The following RFFL variants were observed in gnomAD, a reference collection of about 807,000 sequenced individuals.
RFFL encodes E3 ubiquitin-protein ligase rififylin.
Under a neutral mutation model 40.4 loss-of-function variants are expected in RFFL, and 16 were observed. That is an observed-to-expected ratio of 0.40 (90% CI 0.27 to 0.60). The LOEUF (loss-of-function observed/expected upper bound fraction) is 0.60, where lower values mean the gene tolerates loss of function less well. RFFL is among the 20% of genes least tolerant of loss of function. The pLI, the probability that RFFL is intolerant of heterozygous loss-of-function variation, is 0.47. For synonymous variants in RFFL, 154 were observed against 167.9 expected (o/e 0.92, Z 0.64); for missense variants, 367 against 451.7 (o/e 0.81, Z 1.70).
intron 1 of RFFL, among the ~76,000 whole-genome samples, chr17:35,054,343 C>T (rs973462987): frequency 1.3e-5 from 2 of 152,156 alleles, no homozygotes; most frequent in Admixed American, 6.5e-5. Context: ...CATTGCATTC[C>T]ACCATTCCCA....
chr17:35,026,944 G>A (rs191703436), intron 1 of RFFL, among the ~76,000 whole-genome samples: 13 of 152,182 alleles, frequency 8.5e-5, no homozygotes, highest in Admixed American at 4.6e-4. Context: ...CCTTGTGATC[G>A]GCCCACTTCG....
chr17:35,045,512 G>A (rs900612838), intron 1 of RFFL, among the ~76,000 whole-genome samples: 4 of 151,994 alleles, frequency 2.6e-5, no homozygotes, highest in Non-Finnish European at 5.9e-5. Flanking sequence ...AGGATTACAG[G>A]CATGAGCCAC....
intron 1 of RFFL, among the ~76,000 whole-genome samples, chr17:35,043,045 A>G (rs903702734): frequency 2.0e-5 from 3 of 152,192 alleles, no homozygotes; most frequent in African/African-American, 4.8e-5. Context: ...GACATTTTCT[A>G]TCCTCCAAGG....
chr17:35,031,139 T>C (rs9916356), intron 1 of RFFL, among the ~76,000 whole-genome samples: 3,919 of 151,998 alleles, frequency 0.026, 213 homozygotes, highest in African/African-American at 0.088. Flanking sequence ...TGGAGTCTCC[T>C]TCTGTCGCCC....
intron 2 of RFFL, among the ~76,000 whole-genome samples, chr17:35,022,910 AC>A: frequency 6.6e-6 from 1 of 152,354 alleles, no homozygotes; most frequent in South Asian, 2.1e-4. Context: ...GCAAGCTGGT[AC>A]TGCCTGGCAG....
rs541536606 is a variant in RFFL at position 35,087,091 on chromosome 17, G to A, written c.-9+2014C>T. On this transcript the variant is annotated intron_variant, in intron 1 of 6. Transcript: ENST00000315249. ...AAGAGGTGTTCCGGCCTGGCGCGGT[G>A]GCTCACATCTGTAATCTCAGAACTT... Among the ~76,000 whole-genome samples the A allele has an allele frequency of 3.3e-5, 5 of 152,270 alleles. No individual in the cohort carries two copies. In the South Asian group the frequency reaches 1.0e-3, roughly 32 times the overall value.
chr17:35,019,426 C>G (rs2090994431), intron 3 of RFFL, among the ~76,000 whole-genome samples: 1 of 152,128 alleles, frequency 6.6e-6, no homozygotes, highest in Non-Finnish European at 1.5e-5. Context: ...GTTGCCCAGG[C>G]TGGAGTGTGG....
intron 6 of RFFL, 53 bp from the exon 7 acceptor site, chr17:35,012,202 C>A: frequency 6.5e-7 from 1 of 1,536,414 alleles, no homozygotes; most frequent in Non-Finnish European, 8.9e-7. Flanking sequence ...AGGAGAATGT[C>A]TTAAGTGTAT....
chr17:35,063,476 A>C (rs993376613), intron 1 of RFFL, 100 bp downstream of exon 1: 4 of 154,772 alleles, frequency 2.6e-5, no homozygotes, highest in South Asian at 2.0e-4. Flanking sequence ...AAAAAAAAAA[A>C]AAAAAAAAAA....
chr17:35,022,527 G>A (rs920682715), intron 2 of RFFL, among the ~76,000 whole-genome samples: 1 of 152,194 alleles, frequency 6.6e-6, no homozygotes, highest in Non-Finnish European at 1.5e-5. Flanking sequence ...CGAGGCTTAG[G>A]GAGATCAACT....
chr17:35,071,751 C>T (rs1297451922), intron 1 of RFFL, among the ~76,000 whole-genome samples: 3 of 152,076 alleles, frequency 2.0e-5, no homozygotes, highest in Admixed American at 6.5e-5. Context: ...ATCACCTGTA[C>T]ACAAATGTTC....
intron 1 of RFFL, among the ~76,000 whole-genome samples, chr17:35,044,409 C>T (rs568769054): frequency 3.3e-5 from 5 of 152,242 alleles, no homozygotes; most frequent in South Asian, 4.1e-4. Context: ...GTCAGCCAGG[C>T]GCGGCAGGCT....
At chr17:35,013,356 T>C (rs186126048) in intron 6 of RFFL, among the ~76,000 whole-genome samples, 29 of 152,326 alleles carry the variant, frequency 1.9e-4, no homozygotes, top group African/African-American at 6.0e-4. Context: ...TAGCAGAATA[T>C]AGTGGGCATG....
intron 1 of RFFL, among the ~76,000 whole-genome samples, chr17:35,085,818 A>G (rs1417294897): frequency 6.6e-6 from 1 of 152,252 alleles, no homozygotes; most frequent in Non-Finnish European, 1.5e-5. Context: ...CAGAATGTTA[A>G]CAGGCCCAAA....
rs2090982358 is a variant in RFFL, at chr17:35,017,571, G to A, written c.627C>T (p.Pro209=). Residue 209 remains proline (P), a synonymous_variant, in exon 4 of 7, where the codon CCC becomes CCT. Transcript: ENST00000394597. The part of the protein sequence containing the change: ...NGHVSQDQEE[P]VYLESVARVP... Reference sequence around the variant, plus strand: ...CTCTGGCCACGCTCTCCAGGTAGACGGGTTCCTCTTGATCCTGAGACACAT... The same window carrying A: ...CTCTGGCCACGCTCTCCAGGTAGACAGGTTCCTCTTGATCCTGAGACACAT... The A allele has an allele frequency of 1.2e-5, 19 of 1,611,702 alleles. No homozygotes were observed. Among genetic ancestry groups the A allele is most frequent in the Non-Finnish European group, 1.5e-5 (18 of 1,178,916 alleles).
intron 1 of RFFL, among the ~76,000 whole-genome samples, chr17:35,040,505 AG>A (rs1212030995): frequency 6.6e-6 from 1 of 151,706 alleles, no homozygotes; most frequent in African/African-American, 2.4e-5. Context: ...TGGGAGGCTG[AG>A]GTAGGAGAAT....
Position 35,021,359 on chromosome 17 carries a change from A to G in RFFL, c.591+12T>C. 1 of 1,517,712 alleles carries G rather than the reference A, an allele frequency of 6.6e-7. No individual in the cohort carries two copies. The highest frequency in any genetic ancestry group is 8.8e-7 in the Non-Finnish European group (1 of 1,134,964). 94.0% of individuals were successfully genotyped at this position (1,517,712 alleles called of 1,614,324 possible). A position where few individuals can be genotyped will look rare whatever the true frequency, so the allele number is the denominator to read the frequency against. On this transcript the variant is annotated intron_variant, in intron 3 of 6. Coordinates refer to ENST00000394597, the MANE Select transcript of RFFL (RefSeq NM_001017368.2). Reference sequence around the variant, plus strand: ...TGGCACAGACTGGCAGAGACTACAAATGGGCCCTTACCTGCTGATTCTCCT... The same window carrying G: ...TGGCACAGACTGGCAGAGACTACAAGTGGGCCCTTACCTGCTGATTCTCCT...
intron 1 of RFFL, among the ~76,000 whole-genome samples, chr17:35,047,462 C>T (rs181720610): frequency 1.3e-5 from 2 of 152,184 alleles, no homozygotes; most frequent in Admixed American, 6.5e-5. Flanking sequence ...AACCCAGAGC[C>T]CAGCAAATAA....
upstream of RFFL, among the ~76,000 whole-genome samples, chr17:35,066,708 T>C (rs2091322459): frequency 2.0e-5 from 3 of 152,172 alleles, no homozygotes; most frequent in African/African-American, 7.2e-5. Context: ...ACTGCACATT[T>C]CTTGTTTTTA....
Sources: gnomAD v4.1 joint callset for allele counts (sites outside exome capture counted in the v4.1 genomes callset) on GRCh38, gnomAD v4.1.1 for gene constraint, MANE v1.5 for transcripts, NCBI Gene and HGNC (gene_info 2026-07-23, HGNC 2026-07-21) for gene names.